Variants in EED observed in about 807,000 individuals in gnomAD.
EED encodes polycomb protein EED.
A neutral mutation model predicts 61.0 loss-of-function variants in EED; 9 were observed. The ratio of observed to expected loss-of-function variants is 0.15; its 90% confidence interval spans 0.09 to 0.26. The LOEUF (loss-of-function observed/expected upper bound fraction) is 0.26. EED is among the 10% of genes least tolerant of loss of function. The pLI is 1.00. For missense variants in EED, 315 were observed against 542.3 expected (o/e 0.58, Z 4.16); for synonymous variants, 187 against 174.4 (o/e 1.07, Z -0.57).
chr11:86,264,375 A>G (rs1340731220), intron 7 of EED, 112 bp downstream of exon 7: 14 of 656,756 alleles, frequency 2.1e-5, no homozygotes, highest in Non-Finnish European at 3.4e-5. Flanking sequence ...TCAGGCAGAC[A>G]TTCACTTACA....
chr11:86,250,474 G>T (rs1945501209), intron 2 of EED, 26 bp downstream of exon 2: 3 of 1,530,262 alleles, frequency 2.0e-6, no homozygotes, highest in East Asian at 2.5e-5. Context: ...GATCCTTTGG[G>T]CTGAATGCTA....
chr11:86,274,697 C>CA (rs1421004776), intron 9 of EED, among the ~76,000 whole-genome samples: 1 of 152,150 alleles, frequency 6.6e-6, no homozygotes, highest in Non-Finnish European at 1.5e-5. Context: ...ACTGCCCCCC[C>CA]TAGTGGTCTC....
chr11:86,251,590 A>G (rs1945532295), intron 2 of EED, among the ~76,000 whole-genome samples: 1 of 152,164 alleles, frequency 6.6e-6, no homozygotes, highest in Non-Finnish European at 1.5e-5. Flanking sequence ...TACATCTCCT[A>G]TAGCCTCCTG....
chr11:86,245,100 C>T lies in EED; in HGVS notation c.-130C>T, dbSNP rs1314257518. On this transcript the variant is annotated 5_prime_UTR_variant, in exon 1 of 12. Coordinates refer to ENST00000263360, the MANE Select transcript of EED (RefSeq NM_003797.5). ...CTCGGCGGCTGGGCGCGATTTGCGA[C>T]AGTGGGGGGGGCGGTGGAGGTGGCG... The T allele has an allele frequency of 1.5e-6, 1 of 646,616 alleles. No homozygotes were observed. 40.1% of individuals were successfully genotyped at this position (646,616 alleles called of 1,614,324 possible). A position where few individuals can be genotyped will look rare whatever the true frequency, so the allele number is the denominator to read the frequency against.
intron 1 of EED, among the ~76,000 whole-genome samples, chr11:86,248,295 C>T (rs982758620): frequency 2.6e-5 from 4 of 152,102 alleles, no homozygotes; most frequent in African/African-American, 9.7e-5. Flanking sequence ...TCTTGATTTG[C>T]CTTGGGAGGA....
chr11:86,260,166 C>A (rs1259196143), intron 6 of EED, among the ~76,000 whole-genome samples: 1 of 152,190 alleles, frequency 6.6e-6, no homozygotes, highest in Non-Finnish European at 1.5e-5. Context: ...TATTCACAGA[C>A]AGAATGAACA....
chr11:86,249,671 A>G (rs183700388), intron 1 of EED, among the ~76,000 whole-genome samples: 118 of 135,080 alleles, frequency 8.7e-4, no homozygotes, highest in African/African-American at 3.1e-3. Context: ...GAGTATTATT[A>G]CTTTAGAACA....
Position 86,272,326 on chromosome 11 carries a change from G to C in EED, c.966+3765G>C, listed in dbSNP as rs1946136552. On this transcript the variant is annotated intron_variant, in intron 9 of 11. Coordinates refer to ENST00000263360, the MANE Select transcript of EED (RefSeq NM_003797.5). The stretch of plus-strand genomic sequence containing the variant: ...ACCTGCTTCGGCCTCCCGACGTGCT[G>C]GGGTTACAGGCGTGAGCCACCGCGC... 2.6e-5 allele frequency among the ~76,000 whole-genome samples: 4 copies of C among 151,798 alleles called. No individual in the cohort carries two copies. In the South Asian group the frequency reaches 8.3e-4, roughly 32 times the overall value.
At position 86,244,958 on chromosome 11, in the gene EED, G is replaced by A; in HGVS notation, c.-272G>A. 1 of 404,738 alleles carries A rather than the reference G, an allele frequency of 2.5e-6. No homozygotes were observed. Among genetic ancestry groups the A allele is most frequent in the Non-Finnish European group, 4.4e-6 (1 of 225,548 alleles). The allele number at this position is 404,738 out of a possible 1,614,324, so 25.1% of individuals were successfully genotyped here. On this transcript the variant is annotated 5_prime_UTR_variant, in exon 1 of 12. Transcript: ENST00000263360. ...TTACATCGTGTAGACTGCCGGGAGG[G>A]CGGCGGGAAAAGGGCAAGACGGGAG...
intron 9 of EED, among the ~76,000 whole-genome samples, chr11:86,275,792 G>A (rs1946215138): frequency 6.6e-6 from 1 of 152,188 alleles, no homozygotes; most frequent in Non-Finnish European, 1.5e-5. Flanking sequence ...TTAGCCAAGA[G>A]TCATCACACT....
intron 7 of EED, 138 bp downstream of exon 7, chr11:86,264,401 T>G (rs982839955): frequency 1.1e-5 from 6 of 561,144 alleles, no homozygotes; most frequent in Non-Finnish European, 1.9e-5. Flanking sequence ...CATAGAAGAT[T>G]TTAATCTCCA....
intron 6 of EED, among the ~76,000 whole-genome samples, chr11:86,258,503 C>G (rs531622838): frequency 3.3e-5 from 5 of 151,092 alleles, no homozygotes; most frequent in African/African-American, 4.9e-5. Context: ...ACCGTAATGC[C>G]TCACTTGTTC....
chr11:86,270,197 G>A, intron 9 of EED: 1 of 680,064 alleles, frequency 1.5e-6, no homozygotes, highest in South Asian at 1.6e-5. Flanking sequence ...TCTGATAGGT[G>A]TGTAGTGATA....
chr11:86,284,474 C>G, the EED span: 3 of 152,248 alleles, frequency 2.0e-5, no homozygotes, highest in African/African-American at 7.2e-5. Context: ...AAGTGCACAC[C>G]TAGCTGACCT....
intron 1 of EED, among the ~76,000 whole-genome samples, 185 bp downstream of exon 1, chr11:86,245,528 A>C (rs562574277): frequency 6.6e-6 from 1 of 151,920 alleles, no homozygotes; most frequent in East Asian, 2.0e-4. Flanking sequence ...GAGAGCAAGC[A>C]GGAACTAGGC....
At chr11:86,245,437 G>A (rs1945368959) in intron 1 of EED, 94 bp downstream of exon 1, 3 of 1,023,310 alleles carry the variant, frequency 2.9e-6, no homozygotes, top group African/African-American at 3.3e-5. Context: ...CTGCTGTGGG[G>A]GGAGGGAGAG....
At chr11:86,284,869 T>C in the EED span, among the ~76,000 whole-genome samples, 1 of 152,134 alleles carries the variant, frequency 6.6e-6, no homozygotes, top group African/African-American at 2.4e-5. Flanking sequence ...CCCAGCACTT[T>C]GGGAGGCTGA....
chr11:86,272,354 G>A (rs1279160910), intron 9 of EED, among the ~76,000 whole-genome samples: 3 of 151,870 alleles, frequency 2.0e-5, no homozygotes, highest in Admixed American at 6.6e-5. Context: ...CACCGCGCCC[G>A]GCCACTGTTG....
At position 86,245,258 on chromosome 11, in the gene EED, C is replaced by T. The variant is rs780894846; in HGVS notation, c.29C>T (p.Pro10Leu). 6 of 1,613,288 alleles carry T rather than the reference C, an allele frequency of 3.7e-6. No individual in the cohort carries two copies. The highest frequency in any genetic ancestry group is 2.2e-5 in the South Asian group (2 of 91,060). Residue 10 changes from proline to leucine, a missense_variant, in exon 1 of 12, where the codon CCG becomes CTG. Physicochemically the swap from Pro to Leu is moderately conservative, Grantham distance 98. Around this residue, in one of 2 missense-constraint regions of EED, gnomAD observed 110 missense variants for 86.9 expected, o/e 1.27. Transcript: ENST00000263360. ...TCCGAGAGGGAAGTGTCGACTGCGC[C>T]GGCGGGAACAGACATGCCTGCGGCC... Reference protein sequence around the residue: MSEREVSTAPAGTDMPAAKK... With the variant: MSEREVSTALAGTDMPAAKK...
Sources: gnomAD v4.1 joint callset for allele counts (sites outside exome capture counted in the v4.1 genomes callset) on GRCh38, gnomAD v4.1.1 for gene constraint, gnomAD v4.1.1 regional missense constraint, MANE v1.5 for transcripts, NCBI Gene and HGNC (gene_info 2026-07-23, HGNC 2026-07-21) for gene names.